The following MANBA variants were observed in gnomAD, a reference collection of about 807,000 sequenced individuals.
MANBA encodes the protein mannosidase beta, also known as beta-mannosidase.
A neutral mutation model predicts 111.1 loss-of-function variants in MANBA; 83 were observed. That is an observed-to-expected ratio of 0.75 (90% CI 0.63 to 0.90). MANBA has a LOEUF of 0.90. MANBA is among the 40% of genes least tolerant of loss of function. The pLI is 0.00. For synonymous variants in MANBA, 370 were observed against 378.7 expected (o/e 0.98, Z 0.27); for missense variants, 1,036 against 1,069.0 (o/e 0.97, Z 0.43).
chr4:102,692,920 G>T (rs569400832), intron 5 of MANBA, among the ~76,000 whole-genome samples: 1 of 152,048 alleles, frequency 6.6e-6, no homozygotes, highest in Admixed American at 6.6e-5. Context: ...GTTATAACCG[G>T]CACTGTTTAC....
intron 8 of MANBA, chr4:102,671,978 G>A (rs1009800996): frequency 2.7e-5 from 11 of 401,394 alleles, no homozygotes; most frequent in Admixed American, 4.3e-5. Flanking sequence ...AGAGCACTGT[G>A]GGCTCAGCAC....
chr4:102,730,122 G>C (rs1722977521), intron 1 of MANBA: 1 of 1,188,202 alleles, frequency 8.4e-7, no homozygotes. Context: ...GAAGGCCCGG[G>C]GCCCAGAGGT....
In MANBA at chr4:102,632,134, A is replaced by G; in HGVS notation, c.2563T>C (p.Phe855Leu). Residue 855 changes from phenylalanine (F) to leucine (L), a missense_variant, in exon 17 of 17, where the codon TTT becomes CTT. Physicochemically the swap from Phe to Leu is conservative, Grantham distance 22 (BLOSUM62 0). Transcript: ENST00000647097. ...LMTEKTRTIL[F>L]YPWEPTSKNE... ...TTGCTGGTGGGCTCCCAAGGGTAAAATAATATAGTTCGTGTCTTCTCAGTC... is the reference window on the plus strand; with the variant it reads ...TTGCTGGTGGGCTCCCAAGGGTAAAGTAATATAGTTCGTGTCTTCTCAGTC... 1 of 1,613,546 alleles carries G rather than the reference A, an allele frequency of 6.2e-7. No individual in the cohort carries two copies. Among genetic ancestry groups the G allele is most frequent in the Non-Finnish European group, 8.5e-7 (1 of 1,179,588 alleles).
At chr4:102,695,714 C>T (rs1732676827) in intron 5 of MANBA, among the ~76,000 whole-genome samples, 2 of 152,142 alleles carry the variant, frequency 1.3e-5, no homozygotes, top group Admixed American at 1.3e-4. Context: ...TCTCGACTTT[C>T]CATGAGCCTC....
chr4:102,679,665 G>A (rs138948422), intron 7 of MANBA: 1 of 152,168 alleles, frequency 6.6e-6, no homozygotes, highest in African/African-American at 2.4e-5. Flanking sequence ...GGACATACAT[G>A]TTCAACAAAG....
chr4:102,636,885 T>A (rs1406422231), intron 14 of MANBA, among the ~76,000 whole-genome samples: 2 of 152,184 alleles, frequency 1.3e-5, no homozygotes, highest in African/African-American at 4.8e-5. Context: ...CCAAATCTCA[T>A]CTTGAATTGT....
rs1732988063 is a variant in MANBA, at chr4:102,700,692, G to A, written c.674-9921C>T. Among the ~76,000 whole-genome samples the A allele has an allele frequency of 2.0e-5, 3 of 152,238 alleles. No homozygotes were observed. In the South Asian group the frequency reaches 6.2e-4, roughly 32 times the overall value. On this transcript the variant is annotated intron_variant, in intron 5 of 16. Coordinates refer to ENST00000647097, the MANE Select transcript of MANBA (RefSeq NM_005908.4). ...TTTTGAGTGAGTTTCTTAATTCTGA[G>A]TTCTAGTTTGATTGCGCTGTGGTCT...
At position 102,751,852 on chromosome 4, in the gene MANBA, A is replaced by G. The variant is rs1016555047; in HGVS notation, c.177+8866T>C. 8 of 520,294 alleles carry G rather than the reference A, an allele frequency of 1.5e-5. No individual in the cohort carries two copies. In the African/African-American group the frequency reaches 1.6e-4, roughly 10 times the overall value. 32.2% of individuals were successfully genotyped at this position (520,294 alleles called of 1,614,324 possible). A position where few individuals can be genotyped will look rare whatever the true frequency, so the allele number is the denominator to read the frequency against. ...AAAGATGTGGCCTGGGCCAAAAAAA[A>G]AGATAGTTTGTCTTGCTTATTTGTG... On this transcript the variant is annotated intron_variant, in intron 1 of 16. Transcript: ENST00000647097.
intron 1 of MANBA, among the ~76,000 whole-genome samples, chr4:102,745,928 TTAGTC>T (rs1277423908): frequency 1.3e-5 from 2 of 152,204 alleles, no homozygotes; most frequent in African/African-American, 2.4e-5. Context: ...TGCTGGGACT[TTAGTC>T]TAGGTATAGG....
chr4:102,632,734 T>C (rs1729447014), intron 16 of MANBA, among the ~76,000 whole-genome samples: 1 of 152,272 alleles, frequency 6.6e-6, no homozygotes, highest in Admixed American at 6.5e-5. Context: ...GCCAGAAATT[T>C]ACAAAAGCTC....
intron 1 of MANBA, chr4:102,729,981 G>GCA: frequency 1.1e-6 from 1 of 930,060 alleles, no homozygotes; most frequent in Non-Finnish European, 1.8e-6. Flanking sequence ...TGTGATGGTG[G>GCA]TGATGCCACC....
intron 5 of MANBA, among the ~76,000 whole-genome samples, chr4:102,707,320 C>G (rs539924513): frequency 6.6e-6 from 1 of 152,246 alleles, no homozygotes; most frequent in African/African-American, 2.4e-5. Context: ...GCCAAGGATG[C>G]CATACCCAGC....
chr4:102,695,230 C>T (rs1732654130), intron 5 of MANBA, among the ~76,000 whole-genome samples: 2 of 151,664 alleles, frequency 1.3e-5, no homozygotes, highest in African/African-American at 4.9e-5. Context: ...ATACAGTCTA[C>T]TCCTTTATTA....
intron 1 of MANBA, among the ~76,000 whole-genome samples, chr4:102,734,793 C>CA (rs1723150004): frequency 6.6e-6 from 1 of 152,108 alleles, no homozygotes; most frequent in Non-Finnish European, 1.5e-5. Context: ...CTGTGCAGTC[C>CA]ACCACTTCCT....
chr4:102,707,111 T>C (rs1305121410), intron 5 of MANBA, among the ~76,000 whole-genome samples: 1 of 151,982 alleles, frequency 6.6e-6, no homozygotes, highest in Admixed American at 6.5e-5. Flanking sequence ...AATAAGGCCT[T>C]CTCCATGGCA....
intron 1 of MANBA, among the ~76,000 whole-genome samples, chr4:102,759,650 GA>G (rs1271757721): frequency 6.7e-6 from 1 of 150,342 alleles, no homozygotes; most frequent in East Asian, 1.9e-4. Flanking sequence ...AATAAACTTA[GA>G]ATGGTGCTCC....
chr4:102,637,265 AT>A (rs1200457269), intron 14 of MANBA, among the ~76,000 whole-genome samples: 1 of 152,172 alleles, frequency 6.6e-6, no homozygotes, highest in Non-Finnish European at 1.5e-5. Context: ...TCTTGTTATA[AT>A]GTTGAGAAGC....
At chr4:102,707,764 A>G (rs1461324324) in intron 5 of MANBA, among the ~76,000 whole-genome samples, 2 of 152,176 alleles carry the variant, frequency 1.3e-5, no homozygotes, top group Non-Finnish European at 2.9e-5. Flanking sequence ...GCCTACAAGT[A>G]GCTCAACTCA....
intron 13 of MANBA, among the ~76,000 whole-genome samples, chr4:102,647,003 G>A (rs1401787155): frequency 5.9e-5 from 9 of 151,924 alleles, no homozygotes; most frequent in Non-Finnish European, 1.3e-4. Flanking sequence ...CAAGCACTCT[G>A]TTCTTCAGAA....
Sources: gnomAD v4.1 joint callset for allele counts (sites outside exome capture counted in the v4.1 genomes callset) on GRCh38, gnomAD v4.1.1 for gene constraint, MANE v1.5 for transcripts, NCBI Gene and HGNC (gene_info 2026-07-23, HGNC 2026-07-21) for gene names.